The following NFATC3 variants were observed in gnomAD, a reference collection of about 807,000 sequenced individuals.
NFATC3 encodes nuclear factor of activated T cells 3.
NFATC3 carries 46 observed loss-of-function variants against 98.6 expected under a neutral mutation model. That is an observed-to-expected ratio of 0.47 (90% confidence interval 0.37 to 0.60). The LOEUF (loss-of-function observed/expected upper bound fraction) is 0.60, where lower values mean the gene tolerates loss of function less well. NFATC3 is among the 20% of genes least tolerant of loss of function. The pLI is 0.00. For missense variants in NFATC3, 1,256 were observed against 1,295.5 expected (o/e 0.97, Z 0.47); for synonymous variants, 512 against 472.2 (o/e 1.08, Z -1.09).
chr16:68,204,571 G>T (rs1442118138), intron 9 of NFATC3, among the ~76,000 whole-genome samples: 1 of 152,160 alleles, frequency 6.6e-6, no homozygotes, highest in East Asian at 1.9e-4. Flanking sequence ...AATTGGGGCA[G>T]ACATTTGAAT....
chr16:68,100,585 A>G (rs1013740371), intron 1 of NFATC3, among the ~76,000 whole-genome samples: 3 of 151,826 alleles, frequency 2.0e-5, no homozygotes, highest in Non-Finnish European at 4.4e-5. Context: ...AAAACAAAAC[A>G]AAACAAACAA....
chr16:68,218,093 A>C, intron 9 of NFATC3: 1 of 948,388 alleles, frequency 1.1e-6, no homozygotes. Flanking sequence ...AGGGTCTCAC[A>C]CTGTTGCCTA....
intron 3 of NFATC3, among the ~76,000 whole-genome samples, chr16:68,144,264 A>G (rs986463778): frequency 6.6e-6 from 1 of 152,184 alleles, no homozygotes; most frequent in African/African-American, 2.4e-5. Context: ...GAACAGCTAA[A>G]ATAAAAAATA....
In NFATC3 at chr16:68,134,070, A is replaced by G. The variant is rs578140818; in HGVS notation, c.1401+7460A>G. ...ACTTGTTAGTCTTTTAATTTTAACT[A>G]TTATTGTAAAGATATAATGGTATCT... On this transcript the variant is annotated intron_variant, in intron 3 of 9. Coordinates refer to ENST00000346183, the MANE Select transcript of NFATC3 (RefSeq NM_173165.3). Among the ~76,000 whole-genome samples, 38 of 152,264 alleles carry G rather than the reference A, an allele frequency of 2.5e-4. No homozygotes were observed. The South Asian group carries it at 7.5e-3, about 30-fold the overall frequency.
Position 68,183,305 on chromosome 16 carries a change from C to G in NFATC3, c.2037C>G (p.His679Gln). Residue 679 changes from histidine to glutamine, a missense_variant, in exon 8 of 10, where the codon CAC (histidine) becomes CAG (glutamine). By Grantham distance (24) the His-to-Gln change is conservative. This residue lies in a region of NFATC3 where 636 missense variants were observed against 617.3 expected (regional missense o/e 1.03). Transcript: ENST00000346183. ...NPAVTAAVQV[H>Q]FYLCNGKRKK... ...CAGTTACAGCTGCAGTGCAGGTGCA[C>G]TTTTATCTTTGCAATGGCAAGAGGA... is the stretch of plus-strand genomic sequence containing the variant. 1 of 1,613,270 alleles carries G rather than the reference C, an allele frequency of 6.2e-7. No individual in the cohort carries two copies. The highest frequency in any genetic ancestry group is 8.5e-7 in the Non-Finnish European group (1 of 1,179,752).
intron 4 of NFATC3, among the ~76,000 whole-genome samples, chr16:68,159,323 G>T (rs984366512): frequency 2.0e-5 from 3 of 151,882 alleles, no homozygotes; most frequent in African/African-American, 7.3e-5. Flanking sequence ...ACCTATCAGT[G>T]GGTAGTAGGC....
chr16:68,146,224 A>G (rs1457723821), intron 3 of NFATC3, among the ~76,000 whole-genome samples: 2 of 152,128 alleles, frequency 1.3e-5, no homozygotes, highest in Admixed American at 6.6e-5. Flanking sequence ...CCTGTAGTAC[A>G]TATACATACT....
At chr16:68,173,024 A>G (rs780947524) in intron 5 of NFATC3, among the ~76,000 whole-genome samples, 27 of 151,856 alleles carry the variant, frequency 1.8e-4, no homozygotes, top group African/African-American at 4.1e-4. Context: ...TGGGAGGCCA[A>G]TGTGGGAGGA....
chr16:68,094,533 A>G (rs763624089), intron 1 of NFATC3, among the ~76,000 whole-genome samples: 1 of 152,042 alleles, frequency 6.6e-6, no homozygotes, highest in Non-Finnish European at 1.5e-5. Context: ...ATTTTGACCA[A>G]TTTGCCATCT....
intron 1 of NFATC3, among the ~76,000 whole-genome samples, chr16:68,118,084 G>A (rs1453671910): frequency 2.0e-5 from 3 of 152,098 alleles, no homozygotes; most frequent in Non-Finnish European, 4.4e-5. Context: ...AGAAACCAAG[G>A]CGTTATTTGA....
intron 4 of NFATC3, among the ~76,000 whole-genome samples, chr16:68,164,378 G>A (rs571866122): frequency 9.9e-5 from 15 of 152,228 alleles, no homozygotes; most frequent in African/African-American, 2.9e-4. Flanking sequence ...GAGGGAGACC[G>A]TGGAAAGAGA....
intron 1 of NFATC3, among the ~76,000 whole-genome samples, chr16:68,093,779 T>G (rs1332852894): frequency 6.6e-6 from 1 of 152,196 alleles, no homozygotes; most frequent in Non-Finnish European, 1.5e-5. Context: ...GAACTTTGGT[T>G]TTCTGACCTC....
intron 1 of NFATC3, among the ~76,000 whole-genome samples, chr16:68,109,264 T>C (rs1159340748): frequency 6.6e-6 from 1 of 152,220 alleles, no homozygotes; most frequent in African/African-American, 2.4e-5. Flanking sequence ...ACCTAGTTTA[T>C]TGAGAGTTTT....
intron 1 of NFATC3, among the ~76,000 whole-genome samples, chr16:68,087,950 A>G (rs1404301698): frequency 6.6e-6 from 1 of 152,178 alleles, no homozygotes; most frequent in Non-Finnish European, 1.5e-5. Context: ...TAGTGCTGCT[A>G]TGAACACATA....
chr16:68,109,599 AG>A (rs1315783823), intron 1 of NFATC3, among the ~76,000 whole-genome samples: 1 of 152,188 alleles, frequency 6.6e-6, no homozygotes, highest in Non-Finnish European at 1.5e-5. Context: ...AAAATGAGTT[AG>A]GGAGTAGTCC....
intron 9 of NFATC3, among the ~76,000 whole-genome samples, chr16:68,196,702 GAAAA>G (rs892415823): frequency 6.8e-6 from 1 of 147,016 alleles, no homozygotes; most frequent in Non-Finnish European, 1.5e-5. Flanking sequence ...TCTCAAAAAA[GAAAA>G]AAAAACAACT....
chr16:68,222,349 GA>G (rs1409219159), intron 9 of NFATC3, among the ~76,000 whole-genome samples: 1 of 94,948 alleles, frequency 1.1e-5, no homozygotes, highest in Non-Finnish European at 2.4e-5. Context: ...AAAAAAGAGA[GA>G]AAACACGTCA....
chr16:68,174,741 A>G (rs2039610048), intron 6 of NFATC3, among the ~76,000 whole-genome samples: 1 of 152,238 alleles, frequency 6.6e-6, no homozygotes. Flanking sequence ...CCAGCTACTC[A>G]GAAGGCTGAG....
At chr16:68,216,892 G>A (rs773392232) in intron 9 of NFATC3, among the ~76,000 whole-genome samples, 24 of 152,160 alleles carry the variant, frequency 1.6e-4, no homozygotes, top group Non-Finnish European at 2.4e-4. Flanking sequence ...CCCTCAATCC[G>A]TTGGGTGGGG....
Sources: allele counts gnomAD v4.1 joint callset (sites outside exome capture counted in the v4.1 genomes callset), GRCh38; gene constraint gnomAD v4.1.1; regional missense constraint gnomAD v4.1.1; transcripts MANE v1.5; gene names NCBI Gene and HGNC (gene_info 2026-07-23, HGNC 2026-07-21).